Variants in SPAG17 observed in about 807,000 individuals in gnomAD.
The protein encoded by SPAG17 is sperm associated antigen 17.
SPAG17 carries 169 observed loss-of-function variants against 273.6 expected under a neutral mutation model. That is an observed-to-expected ratio of 0.62 (90% CI 0.55 to 0.70). SPAG17 has a LOEUF of 0.70. SPAG17 is among the 30% of genes least tolerant of loss of function. SPAG17 has a pLI of 0.00. For synonymous variants in SPAG17, 825 were observed against 873.2 expected (o/e 0.94, Z 0.97); for missense variants, 2,557 against 2,627.8 (o/e 0.97, Z 0.59).
intron 3 of SPAG17, among the ~76,000 whole-genome samples, chr1:118,130,527 G>A (rs1402806914): frequency 2.6e-5 from 4 of 152,108 alleles, no homozygotes; most frequent in African/African-American, 9.7e-5. Context: ...AGGACAGCTG[G>A]CCACCCTGAG....
chr1:118,030,069 G>T lies in SPAG17; in HGVS notation c.3609+1623C>A, dbSNP rs549676967. On this transcript the variant is annotated intron_variant, in intron 25 of 48. Coordinates refer to ENST00000336338, the MANE Select transcript of SPAG17 (RefSeq NM_206996.4). The stretch of plus-strand genomic sequence containing the variant: ...TTTAAAAATGTTAAGTGAACAAATT[G>T]GTTTGCTAGCAAGATGCCTTTGGCC... Among the ~76,000 whole-genome samples the T allele has an allele frequency of 5.3e-5, 8 of 152,140 alleles. No individual in the cohort carries two copies. The East Asian group carries it at 1.2e-3, about 22-fold the overall frequency.
At position 118,039,673 on chromosome 1, in the gene SPAG17, C is replaced by A. The variant is rs536778732; in HGVS notation, c.3167-229G>T. Among the ~76,000 whole-genome samples the A allele has an allele frequency of 2.6e-5, 4 of 152,244 alleles. No homozygotes were observed. In the East Asian group the frequency reaches 5.8e-4, roughly 22 times the overall value. On this transcript the variant is annotated intron_variant, in intron 22 of 48. Transcript: ENST00000336338. ...GTGGGAGGAGGGTGAGGACCAAAAA[C>A]TACCTGCCGAGTACTCTGTTTATTA...
At chr1:117,982,244 T>TA in intron 42 of SPAG17, among the ~76,000 whole-genome samples, 1 of 149,884 alleles carries the variant, frequency 6.7e-6, no homozygotes, top group South Asian at 2.1e-4. Flanking sequence ...TCTGCTTATT[T>TA]TTTTTTTTTT....
chr1:117,999,446 A>G (rs1658023525), intron 32 of SPAG17, among the ~76,000 whole-genome samples: 1 of 152,148 alleles, frequency 6.6e-6, no homozygotes, highest in Admixed American at 6.5e-5. Context: ...ACTCCCACCA[A>G]CTGTAAAAGT....
At position 118,126,043 on chromosome 1, in the gene SPAG17, G is replaced by GTTTTTTTTT. The variant is rs33966143; in HGVS notation, c.316-10611_316-10603dup. On this transcript the variant is annotated intron_variant, in intron 3 of 48. Coordinates refer to ENST00000336338, the MANE Select transcript of SPAG17 (RefSeq NM_206996.4). ...TCCTCACCAGCCTCTGTTATTTTCT[G>GTTTTTTTTT]TTTTTTTTTTTTTTTGATAATAGCC... is the stretch of plus-strand genomic sequence containing the variant. Among the ~76,000 whole-genome samples the GTTTTTTTTT allele has an allele frequency of 2.2e-5, 3 of 136,748 alleles. 1 individual carries two copies. The highest frequency in any genetic ancestry group is 4.6e-5 in the Non-Finnish European group (3 of 64,706). The allele number at this position is 136,748 out of a possible 152,430, so 89.7% of individuals were successfully genotyped here. A position where few individuals can be genotyped will look rare whatever the true frequency, so the allele number is the denominator to read the frequency against.
chr1:118,071,798 T>C (rs1404154676), intron 17 of SPAG17, among the ~76,000 whole-genome samples: 1 of 150,528 alleles, frequency 6.6e-6, no homozygotes, highest in Non-Finnish European at 1.5e-5. Flanking sequence ...TGATGGAAAC[T>C]AAAAGAAAAA....
chr1:117,974,493 A>C (rs1571112638), intron 43 of SPAG17, among the ~76,000 whole-genome samples: 1 of 152,104 alleles, frequency 6.6e-6, no homozygotes, highest in Non-Finnish European at 1.5e-5. Flanking sequence ...AATACAATAC[A>C]ACATTAACTC....
At position 118,097,851 on chromosome 1, in the gene SPAG17, T is replaced by A; in HGVS notation, c.830A>T (p.Asp277Val). The part of the protein sequence containing the change: ...QQQEVLLQSE[D>V]LEAEKLKKEN... ...TTTCTTCAATTTTTCTGCTTCTAGA[T>A]CTAATAATAGCAACATGTTTATATT... The change falls in exon 7 of 49, where the codon GAT (aspartate) becomes GTT (valine). Residue 277 changes from aspartate to valine, a missense_variant and splice_region_variant. Transcript: ENST00000336338. The A allele has an allele frequency of 1.3e-6, 2 of 1,571,374 alleles. No individual in the cohort carries two copies. Among genetic ancestry groups the A allele is most frequent in the Non-Finnish European group, 8.6e-7 (1 of 1,161,774 alleles).
rs1245345378 is a variant in SPAG17, at chr1:117,972,075, TG to T, written c.6142-29del. On this transcript the variant is annotated intron_variant, in intron 44 of 48. Coordinates refer to ENST00000336338, the MANE Select transcript of SPAG17 (RefSeq NM_206996.4). ...TTGCATTAAGAAAAAATTAATAAAA[TG>T]GTTCTATTTTGAGTTCCCAAGATTA... 3.2e-6 allele frequency: 5 copies of T among 1,566,924 alleles called. No individual in the cohort carries two copies. In the African/African-American group the frequency reaches 4.1e-5, roughly 13 times the overall value.
chr1:117,975,950 T>G (rs1655087111), intron 43 of SPAG17, among the ~76,000 whole-genome samples: 1 of 152,240 alleles, frequency 6.6e-6, no homozygotes, highest in Non-Finnish European at 1.5e-5. Context: ...GACACTGTGC[T>G]AAGCATTTTA....
At chr1:118,138,434 A>T (rs1658483148) in intron 3 of SPAG17, among the ~76,000 whole-genome samples, 1 of 152,218 alleles carries the variant, frequency 6.6e-6, no homozygotes. Context: ...AGGAAATGTA[A>T]TAGAGAATAG....
At chr1:117,980,526 C>T (rs77161611) in intron 43 of SPAG17, among the ~76,000 whole-genome samples, 1,699 of 152,280 alleles carry the variant, frequency 0.011, 17 homozygotes, top group Middle Eastern at 0.041. Context: ...GCCACAGTGC[C>T]TGGCCAGGTA....
intron 3 of SPAG17, among the ~76,000 whole-genome samples, chr1:118,128,673 A>G (rs1015752859): frequency 6.6e-6 from 1 of 152,156 alleles, no homozygotes; most frequent in Non-Finnish European, 1.5e-5. Flanking sequence ...CTATCTGAAT[A>G]TGGCTGGTCC....
At chr1:118,101,472 T>C (rs1311053687) in intron 5 of SPAG17, among the ~76,000 whole-genome samples, 1 of 152,180 alleles carries the variant, frequency 6.6e-6, no homozygotes, top group Non-Finnish European at 1.5e-5. Flanking sequence ...AGTCTTTTTC[T>C]CTCAGGGTGT....
chr1:118,063,687 C>T (rs370279173), intron 18 of SPAG17, among the ~76,000 whole-genome samples: 37 of 152,082 alleles, frequency 2.4e-4, no homozygotes, highest in East Asian at 3.9e-4. Context: ...AAGGACTTCA[C>T]GTCTAAAACA....
At chr1:118,136,460 G>A (rs1441780789) in intron 3 of SPAG17, among the ~76,000 whole-genome samples, 1 of 152,158 alleles carries the variant, frequency 6.6e-6, no homozygotes, top group Non-Finnish European at 1.5e-5. Flanking sequence ...AATATAATGG[G>A]TTAACATTCT....
At chr1:118,160,140 C>A (rs1302140643) in intron 1 of SPAG17, among the ~76,000 whole-genome samples, 3 of 152,122 alleles carry the variant, frequency 2.0e-5, no homozygotes, top group Non-Finnish European at 4.4e-5. Flanking sequence ...CAGAGACTCA[C>A]CCGCCCTAAA....
At chr1:118,138,980 CCTTT>C (rs1658514561) in intron 3 of SPAG17, among the ~76,000 whole-genome samples, 2 of 152,220 alleles carry the variant, frequency 1.3e-5, no homozygotes, top group Non-Finnish European at 2.9e-5. Flanking sequence ...ATTTAGACTT[CCTTT>C]AATTTTCTCT....
At chr1:118,144,984 G>A (rs1658891414) in intron 3 of SPAG17, among the ~76,000 whole-genome samples, 1 of 152,110 alleles carries the variant, frequency 6.6e-6, no homozygotes, top group Admixed American at 6.5e-5. Flanking sequence ...TGAAATAACG[G>A]CATTAGGTTG....
Sources: allele counts gnomAD v4.1 joint callset (sites outside exome capture counted in the v4.1 genomes callset), GRCh38; gene constraint gnomAD v4.1.1; transcripts MANE v1.5; gene names NCBI Gene and HGNC (gene_info 2026-07-23, HGNC 2026-07-21).